Variants in ARL8B observed in about 807,000 individuals in gnomAD.
ARL8B encodes ADP-ribosylation factor-like protein 8B.
ARL8B carries 9 observed loss-of-function variants against 30.6 expected under a neutral mutation model. The ratio of observed to expected loss-of-function variants is 0.29; its 90% CI spans 0.18 to 0.51. The LOEUF (loss-of-function observed/expected upper bound fraction) is 0.51. Ranked by LOEUF, ARL8B falls within the 20% of genes least tolerant of loss-of-function variation. The probability of loss-of-function intolerance (pLI) is 0.97; values close to 1 mark genes in which losing one functional copy is unlikely to be tolerated. For synonymous variants in ARL8B, 74 were observed against 76.0 expected, an observed-to-expected ratio of 0.97 and a Z score of 0.14; for missense variants, 130 against 227.2, an observed-to-expected ratio of 0.57 and a Z score of 2.75.
Position 5,122,493 on chromosome 3 carries a change from G to T in ARL8B, c.28G>T (p.Asp10Tyr). 1 of 1,613,724 alleles carries T rather than the reference G, an allele frequency of 6.2e-7. No homozygotes were observed. Among genetic ancestry groups the T allele is most frequent in the South Asian group, 1.1e-5 (1 of 91,066 alleles). MLALISRLLDWFRSLFWKEE... is the reference protein window; with the variant it reads MLALISRLLYWFRSLFWKEE... ...GCTGGCGCTCATCTCCCGCCTGCTGGACTGGTTCCGTTCGCTCTTCTGGAA... is the reference window on the plus strand; with the variant it reads ...GCTGGCGCTCATCTCCCGCCTGCTGTACTGGTTCCGTTCGCTCTTCTGGAA... The change falls in exon 1 of 7, where the codon GAC becomes TAC. Residue 10 changes from aspartate (D) to tyrosine (Y), a missense_variant. Coordinates refer to ENST00000256496, the MANE Select transcript of ARL8B (RefSeq NM_018184.3).
At chr3:5,139,330 A>C (rs114740028) in intron 1 of ARL8B, among the ~76,000 whole-genome samples, 1 of 152,206 alleles carries the variant, frequency 6.6e-6, no homozygotes, top group African/African-American at 2.4e-5. Flanking sequence ...TACTATGCCT[A>C]GGCTAGCAGT....
chr3:5,169,138 A>G (rs1221890604), intron 1 of ARL8B, among the ~76,000 whole-genome samples: 3 of 152,170 alleles, frequency 2.0e-5, no homozygotes, highest in Admixed American at 6.5e-5. Context: ...TTAAGTGTGC[A>G]ATTCAGTAGT....
At chr3:5,133,671 A>G (rs1176422591) in intron 1 of ARL8B, among the ~76,000 whole-genome samples, 1 of 152,104 alleles carries the variant, frequency 6.6e-6, no homozygotes, top group Non-Finnish European at 1.5e-5. Context: ...CATGCCAGTA[A>G]CCCCAGCACT....
At chr3:5,164,952 T>C (rs2054612250) in intron 1 of ARL8B, among the ~76,000 whole-genome samples, 1 of 152,196 alleles carries the variant, frequency 6.6e-6, no homozygotes, top group South Asian at 2.1e-4. Context: ...GTTTTGGGTT[T>C]GTCTGATGAT....
At chr3:5,152,630 C>T (rs1053749822) in intron 1 of ARL8B, among the ~76,000 whole-genome samples, 12 of 152,170 alleles carry the variant, frequency 7.9e-5, no homozygotes, top group African/African-American at 1.4e-4. Flanking sequence ...GGACTAAGGG[C>T]GCGTGCCGCC....
chr3:5,165,174 C>T (rs1369327723), intron 1 of ARL8B, among the ~76,000 whole-genome samples: 1 of 152,160 alleles, frequency 6.6e-6, no homozygotes, highest in East Asian at 1.9e-4. Flanking sequence ...CACTTTCAGA[C>T]TGTGAAACTT....
intron 1 of ARL8B, among the ~76,000 whole-genome samples, chr3:5,145,465 C>T (rs942384334): frequency 3.9e-5 from 6 of 152,184 alleles, no homozygotes; most frequent in Admixed American, 3.9e-4. Context: ...TGCTTGTACA[C>T]ATTCGGGCCA....
intron 1 of ARL8B, among the ~76,000 whole-genome samples, chr3:5,141,506 T>C (rs74602027): frequency 6.6e-6 from 1 of 152,312 alleles, no homozygotes; most frequent in African/African-American, 2.4e-5. Flanking sequence ...CAAGTAATAC[T>C]ACATCCCACT....
chr3:5,170,284 A>G (rs2054661182), intron 1 of ARL8B, among the ~76,000 whole-genome samples: 2 of 152,254 alleles, frequency 1.3e-5, no homozygotes, highest in Admixed American at 6.5e-5. Flanking sequence ...CATTAGTTTC[A>G]AAAATATCTT....
intron 6 of ARL8B, among the ~76,000 whole-genome samples, chr3:5,178,350 CTTTTTTT>C (rs376669879): frequency 2.6e-5 from 3 of 115,318 alleles, no homozygotes; most frequent in Non-Finnish European, 3.7e-5. Context: ...GGGGTTATTC[CTTTTTTT>C]TTTTTTTTTT....
At chr3:5,164,001 G>A (rs2054603434) in intron 1 of ARL8B, among the ~76,000 whole-genome samples, 1 of 152,224 alleles carries the variant, frequency 6.6e-6, no homozygotes, top group African/African-American at 2.4e-5. Flanking sequence ...CTCGGTAGAT[G>A]CGGGGGATTG....
At chr3:5,133,880 A>T (rs2054304068) in intron 1 of ARL8B, among the ~76,000 whole-genome samples, 1 of 152,170 alleles carries the variant, frequency 6.6e-6, no homozygotes, top group Admixed American at 6.6e-5. Context: ...GGCTGCAGTG[A>T]GCCATGATGG....
At chr3:5,148,456 G>C (rs1200710237) in intron 1 of ARL8B, among the ~76,000 whole-genome samples, 1 of 152,126 alleles carries the variant, frequency 6.6e-6, no homozygotes, top group Non-Finnish European at 1.5e-5. Context: ...GTGGTCTCCA[G>C]GTCTATCTTC....
At chr3:5,145,473 C>T (rs1487059375) in intron 1 of ARL8B, among the ~76,000 whole-genome samples, 1 of 152,060 alleles carries the variant, frequency 6.6e-6, no homozygotes, top group Non-Finnish European at 1.5e-5. Context: ...CACATTCGGG[C>T]CACCCGAGAG....
At chr3:5,140,112 G>A (rs1347616340) in intron 1 of ARL8B, among the ~76,000 whole-genome samples, 1 of 151,872 alleles carries the variant, frequency 6.6e-6, no homozygotes, top group Non-Finnish European at 1.5e-5. Context: ...TCACTTTGGG[G>A]AGCGTGTGTG....
At chr3:5,149,958 A>AATAT (rs1390889131) in intron 1 of ARL8B, among the ~76,000 whole-genome samples, 1 of 152,214 alleles carries the variant, frequency 6.6e-6, no homozygotes, top group Non-Finnish European at 1.5e-5. Flanking sequence ...GATTGGCATG[A>AATAT]ATATTCTAGC....
intron 1 of ARL8B, among the ~76,000 whole-genome samples, chr3:5,162,496 T>C (rs866728923): frequency 3.9e-5 from 6 of 152,194 alleles, no homozygotes; most frequent in African/African-American, 1.4e-4. Flanking sequence ...TTGTAGAAGG[T>C]TTTATTTGAT....
At chr3:5,149,833 A>C (rs1559280506) in intron 1 of ARL8B, among the ~76,000 whole-genome samples, 1 of 152,080 alleles carries the variant, frequency 6.6e-6, no homozygotes, top group South Asian at 2.1e-4. Flanking sequence ...CCTAATCCCT[A>C]CCACATTTGG....
At chr3:5,172,079 TTC>T in intron 2 of ARL8B, 69 bp from the exon 3 acceptor site, 2 of 1,403,180 alleles carry the variant, frequency 1.4e-6, no homozygotes, top group East Asian at 4.6e-5. Flanking sequence ...CTTTCTTTTT[TTC>T]TGTTACTTCC....
Sources: gnomAD v4.1 joint callset for allele counts (sites outside exome capture counted in the v4.1 genomes callset) on GRCh38, gnomAD v4.1.1 for gene constraint, MANE v1.5 for transcripts, NCBI Gene and HGNC (gene_info 2026-07-23, HGNC 2026-07-21) for gene names.